TNS3: variants seen among roughly 807,000 people sequenced by gnomAD.
TNS3 encodes tensin-3.
Under a neutral mutation model 140.9 loss-of-function variants are expected in TNS3, and 45 were observed. The ratio of observed to expected loss-of-function variants is 0.32; its 90% CI spans 0.25 to 0.41. The LOEUF is 0.41. Among genes scored for constraint, TNS3 ranks in the 10% least tolerant of loss-of-function variants. The pLI, the probability that TNS3 is intolerant of heterozygous loss-of-function variation, is 1.00. For missense variants in TNS3, 1,716 were observed against 1,906.7 expected, an observed-to-expected ratio of 0.90 and a Z score of 1.86; for synonymous variants, 815 against 788.4, an observed-to-expected ratio of 1.03 and a Z score of -0.56.
rs748135582 is a variant in TNS3, at chr7:47,415,138, T to C, written c.542A>G (p.His181Arg). The change falls in exon 11 of 31, where the codon CAT (histidine) becomes CGT (arginine). Residue 181 changes from histidine to arginine, a missense_variant. Physicochemically the swap from His to Arg is conservative, Grantham distance 29. This residue lies in a region of TNS3 where 337 missense variants were observed against 428.9 expected (regional missense o/e 0.79). Coordinates refer to ENST00000311160, the MANE Select transcript of TNS3 (RefSeq NM_022748.12). ...VKMNASPLFLHFVILHGTPNF... is the reference protein window; with the variant it reads ...VKMNASPLFLRFVILHGTPNF... The stretch of plus-strand genomic sequence containing the variant: ...GGGGGTGCCGTGGAGGATGACAAAA[T>C]GCAGGAACAGGGGAGAGGCATTCAT... 14 of 1,612,174 alleles carry C rather than the reference T, an allele frequency of 8.7e-6. No homozygotes were observed. The highest frequency in any genetic ancestry group is 5.0e-5 in the Admixed American group (3 of 59,726).
At chr7:47,505,768 C>G (rs376508511) in intron 3 of TNS3, among the ~76,000 whole-genome samples, 1 of 152,060 alleles carries the variant, frequency 6.6e-6, no homozygotes, top group African/African-American at 2.4e-5. Context: ...TGCATGTATG[C>G]GTGTGAGCAC....
chr7:47,441,971 C>T (rs773319464), intron 5 of TNS3, 32 bp downstream of exon 5: 17 of 1,286,830 alleles, frequency 1.3e-5, no homozygotes, highest in Non-Finnish European at 1.7e-5. Flanking sequence ...CAGCCAGAGA[C>T]ACAGGAATGC....
chr7:47,421,211 T>C (rs1794355562), intron 10 of TNS3, among the ~76,000 whole-genome samples: 1 of 152,208 alleles, frequency 6.6e-6, no homozygotes, highest in African/African-American at 2.4e-5. Context: ...GTCAGAAACG[T>C]TAATAATTTT....
intron 17 of TNS3, among the ~76,000 whole-genome samples, chr7:47,364,034 G>T (rs926901486): frequency 1.3e-5 from 2 of 152,094 alleles, no homozygotes; most frequent in African/African-American, 4.8e-5. Flanking sequence ...TTCTGACGAT[G>T]TCCCAGGGAC....
chr7:47,435,259 A>G (rs1270047642), intron 8 of TNS3, 23 bp downstream of exon 8: 1 of 1,612,850 alleles, frequency 6.2e-7, no homozygotes, highest in African/African-American at 1.3e-5. Flanking sequence ...CAGACCCCCA[A>G]ATGTGAGAGG....
rs1398413011 is a variant in TNS3, at chr7:47,481,126, C to G, written c.-99G>C. Reference sequence around the variant, plus strand: ...ACCTGTTCCAGTCGGACTTGCACACCGCAGGGAATCACCACCTTTCAAAGA... The same window carrying G: ...ACCTGTTCCAGTCGGACTTGCACACGGCAGGGAATCACCACCTTTCAAAGA... On this transcript the variant is annotated 5_prime_UTR_variant, in exon 4 of 31. Coordinates refer to ENST00000311160, the MANE Select transcript of TNS3 (RefSeq NM_022748.12). 1 of 1,289,758 alleles carries G rather than the reference C, an allele frequency of 7.8e-7. No individual in the cohort carries two copies. Among genetic ancestry groups the G allele is most frequent in the East Asian group, 5.5e-5 (1 of 18,028 alleles). 79.9% of individuals were successfully genotyped at this position (1,289,758 alleles called of 1,614,324 possible).
intron 1 of TNS3, among the ~76,000 whole-genome samples, chr7:47,557,714 G>A (rs1386347528): frequency 6.6e-6 from 1 of 152,154 alleles, no homozygotes. Flanking sequence ...GAAATGTGAG[G>A]ACATTTTAAC....
chr7:47,474,951 A>G lies in TNS3; in HGVS notation c.-76+6152T>C, dbSNP rs537794454. Among the ~76,000 whole-genome samples the G allele has an allele frequency of 3.3e-5, 5 of 150,984 alleles. No homozygotes were observed. The East Asian group carries it at 9.8e-4, about 30-fold the overall frequency. On this transcript the variant is annotated intron_variant, in intron 4 of 30. Coordinates refer to ENST00000311160, the MANE Select transcript of TNS3 (RefSeq NM_022748.12). ...CAGGTAACACCTCACACAATACAAC[A>G]CATGCAACACACACAAAACACTACA...
intron 4 of TNS3, among the ~76,000 whole-genome samples, chr7:47,461,588 C>A (rs1188516307): frequency 6.6e-6 from 1 of 152,138 alleles, no homozygotes; most frequent in African/African-American, 2.4e-5. Flanking sequence ...CACTGCATGC[C>A]CACTGCATGC....
intron 20 of TNS3, among the ~76,000 whole-genome samples, chr7:47,312,595 CG>C (rs1339643570): frequency 6.6e-6 from 1 of 151,782 alleles, no homozygotes; most frequent in Non-Finnish European, 1.5e-5. Flanking sequence ...CCCAGCTACT[CG>C]GGAGGCTAAG....
At chr7:47,575,914 C>A (rs574336847) in intron 1 of TNS3, among the ~76,000 whole-genome samples, 1 of 151,856 alleles carries the variant, frequency 6.6e-6, no homozygotes, top group Non-Finnish European at 1.5e-5. Context: ...AAAAAATGTG[C>A]CTCCCTCCTG....
chr7:47,576,464 C>A (rs1179988247), intron 1 of TNS3, among the ~76,000 whole-genome samples: 1 of 152,204 alleles, frequency 6.6e-6, no homozygotes, highest in Non-Finnish European at 1.5e-5. Flanking sequence ...GATGCCAGAG[C>A]CTGGCCTATG....
intron 20 of TNS3, among the ~76,000 whole-genome samples, chr7:47,338,802 T>A (rs1283913893): frequency 2.0e-5 from 3 of 152,238 alleles, no homozygotes; most frequent in Non-Finnish European, 4.4e-5. Context: ...GTGATAAACA[T>A]ACAAGTGCAT....
chr7:47,461,958 T>A (rs1796508210), intron 4 of TNS3, among the ~76,000 whole-genome samples: 1 of 152,170 alleles, frequency 6.6e-6, no homozygotes, highest in African/African-American at 2.4e-5. Flanking sequence ...TTTCAATGAC[T>A]CATTGTAGAT....
rs1321109905 is a variant in TNS3, at chr7:47,460,217, A to G, written c.-75-18162T>C. ...GACAGAGCAAGACTCTGTCCCAAAA[A>G]AAAAAAAAAAAAAAAAAAAAGAAGA... On this transcript the variant is annotated intron_variant, in intron 4 of 30. Coordinates refer to ENST00000311160, the MANE Select transcript of TNS3 (RefSeq NM_022748.12). Among the ~76,000 whole-genome samples the G allele has an allele frequency of 3.4e-3, 120 of 34,894 alleles. 2 individuals carry two copies. The highest frequency in any genetic ancestry group is 8.9e-3 in the African/African-American group (111 of 12,488). The allele number at this position is 34,894 out of a possible 152,430, so 22.9% of individuals were successfully genotyped here. A position where few individuals can be genotyped will look rare whatever the true frequency, so the allele number is the denominator to read the frequency against.
chr7:47,460,082 G>A (rs545618662), intron 4 of TNS3, among the ~76,000 whole-genome samples: 5 of 152,002 alleles, frequency 3.3e-5, no homozygotes, highest in African/African-American at 9.6e-5. Context: ...GCATGGTGGC[G>A]GGCTCCTGTA....
At chr7:47,319,366 G>A (rs961202419) in intron 20 of TNS3, among the ~76,000 whole-genome samples, 2 of 152,086 alleles carry the variant, frequency 1.3e-5, no homozygotes, top group African/African-American at 4.8e-5. Flanking sequence ...GCATCACATG[G>A]TGAGAGGAAG....
rs1291360080 is a variant in TNS3 at position 47,569,712 on chromosome 7, G to C, written c.-265+12339C>G. On this transcript the variant is annotated intron_variant, in intron 1 of 30. Transcript: ENST00000311160. ...CTACTAAAAATACAAAAATTAGCTG[G>C]GCGTGGTGATGGTCATCTGTAATCC... 2.0e-5 allele frequency among the ~76,000 whole-genome samples: 3 copies of C among 151,066 alleles called. No homozygotes were observed. The East Asian group carries it at 5.9e-4, about 30-fold the overall frequency.
chr7:47,546,201 G>A (rs11977320), intron 1 of TNS3, among the ~76,000 whole-genome samples: 12,040 of 152,172 alleles, frequency 0.079, 1,592 homozygotes, highest in African/African-American at 0.27. Flanking sequence ...CTGCTAAAGC[G>A]GATGATCAAA....
Sources: gnomAD v4.1 joint callset for allele counts (sites outside exome capture counted in the v4.1 genomes callset) on GRCh38, gnomAD v4.1.1 for gene constraint, gnomAD v4.1.1 regional missense constraint, MANE v1.5 for transcripts, NCBI Gene and HGNC (gene_info 2026-07-23, HGNC 2026-07-21) for gene names.